Variants in DDX11 observed in about 807,000 individuals in gnomAD.
DDX11 encodes the protein DEAD/H-box helicase 11.
A neutral mutation model predicts 125.2 loss-of-function variants in DDX11; 72 were observed. That is an observed-to-expected ratio of 0.58 (90% CI 0.48 to 0.70). The LOEUF (loss-of-function observed/expected upper bound fraction) is 0.70. Among genes scored for constraint, DDX11 ranks in the 30% least tolerant of loss-of-function variants. The probability of loss-of-function intolerance (pLI) is 0.00; values close to 1 mark genes in which losing one functional copy is unlikely to be tolerated. For missense variants in DDX11, 883 were observed against 1,165.0 expected (o/e 0.76, Z 3.52); for synonymous variants, 347 against 452.6 (o/e 0.77, Z 2.96).
rs750604301 is a variant in DDX11 at position 31,101,090 on chromosome 12, C to T, written c.2012C>T (p.Pro671Leu). The T allele has an allele frequency of 6.8e-6, 11 of 1,614,078 alleles. No homozygotes were observed. Among genetic ancestry groups the T allele is most frequent in the Admixed American group, 1.7e-5 (1 of 60,012 alleles). ...ATCTGCAGCGGGATCTCCAACCAGC[C>T]GCTGGAATTCACGTTCCAGAAAAGA... ...LVICSGISNQPLEFTFQKREL... is the reference protein window; with the variant it reads ...LVICSGISNQLLEFTFQKREL... Residue 671 changes from proline (P) to leucine (L), a missense_variant, in exon 20 of 27, where the codon CCG becomes CTG. Coordinates refer to ENST00000542838, the MANE Select transcript of DDX11 (RefSeq NM_030653.4).
Position 31,084,640 on chromosome 12 carries a change from G to A in DDX11, c.451G>A (p.Val151Met). ...ACGCCTGCAGCAGCTGCAGCACAGG[G>A]TGCAGCTCAAGTATGCAGCCAAGCG... ...EERLQQLQHR[V>M]QLKYAAKRLR... is the part of the protein sequence containing the mutation. The change falls in exon 4 of 27, where the codon GTG (valine) becomes ATG (methionine). Residue 151 changes from valine to methionine, a missense_variant. Physicochemically the swap from Val to Met is conservative, Grantham distance 21 (BLOSUM62 1). This residue lies in a region of DDX11 where 283 missense variants were observed against 359.6 expected (regional missense o/e 0.79). Coordinates refer to ENST00000542838, the MANE Select transcript of DDX11 (RefSeq NM_030653.4). 6.3e-7 allele frequency: 1 copy of A among 1,590,960 alleles called. No homozygotes were observed. The highest frequency in any genetic ancestry group is 8.6e-7 in the Non-Finnish European group (1 of 1,165,858).
intron 18 of DDX11, among the ~76,000 whole-genome samples, chr12:31,099,218 G>A (rs1945946342): frequency 6.6e-6 from 1 of 151,120 alleles, no homozygotes; most frequent in East Asian, 2.0e-4. Context: ...CTCCTGAGTA[G>A]CTGTGATTAC....
chr12:31,086,490 G>A (rs1179047587), intron 5 of DDX11, among the ~76,000 whole-genome samples: 3 of 151,868 alleles, frequency 2.0e-5, no homozygotes, highest in Admixed American at 6.5e-5. Flanking sequence ...CCTGCCCAGG[G>A]CAGAGACCAC....
intron 9 of DDX11, among the ~76,000 whole-genome samples, chr12:31,090,745 T>C (rs550450524): frequency 6.6e-6 from 1 of 152,334 alleles, no homozygotes; most frequent in East Asian, 1.9e-4. Context: ...GAAAATTCTG[T>C]ATAATCCAGA....
chr12:31,077,929 C>T (rs1030823624), intron 1 of DDX11: 4 of 325,838 alleles, frequency 1.2e-5, no homozygotes, highest in East Asian at 7.8e-5. Flanking sequence ...TCTGCCTGTG[C>T]GTCATGATTT....
chr12:31,074,241 ACAG>A (rs57389219), intron 1 of DDX11, 150 bp downstream of exon 1: 78,380 of 149,944 alleles, frequency 0.52, 21,187 homozygotes, highest in East Asian at 0.81. Flanking sequence ...GTGGGCATTA[ACAG>A]CAGCCGCGTG....
At chr12:31,084,086 G>T (rs1942555458) in intron 3 of DDX11, 25 bp downstream of exon 3, 1 of 1,612,754 alleles carries the variant, frequency 6.2e-7, no homozygotes, top group Admixed American at 1.7e-5. Context: ...ATCCGGAAGT[G>T]GGAGTACTGG....
chr12:31,078,594 C>A (rs1473708604), intron 2 of DDX11, 57 bp downstream of exon 2: 1 of 1,611,052 alleles, frequency 6.2e-7, no homozygotes, highest in East Asian at 2.2e-5. Context: ...GCCGTACTAG[C>A]TTTTCCTGTT....
chr12:31,093,395 A>G, intron 12 of DDX11, 71 bp downstream of exon 12: 2 of 1,591,250 alleles, frequency 1.3e-6, no homozygotes, highest in East Asian at 2.2e-5. Flanking sequence ...TTGGATGCCC[A>G]TCAGGACACC....
intron 25 of DDX11, 44 bp from the exon 26 acceptor site, chr12:31,103,533 G>A: frequency 6.2e-7 from 1 of 1,613,658 alleles, no homozygotes; most frequent in Non-Finnish European, 8.5e-7. Flanking sequence ...GCTGTAGGGG[G>A]GAGGCAGGTG....
intron 19 of DDX11, 144 bp from the exon 20 acceptor site, chr12:31,100,883 C>CTG: frequency 9.2e-7 from 1 of 1,084,310 alleles, no homozygotes; most frequent in South Asian, 1.3e-5. Context: ...TGCCTGCTGC[C>CTG]CAGTGTGACT....
At chr12:31,089,269 G>A (rs748472214) in intron 7 of DDX11, 118 bp downstream of exon 7, 3 of 1,336,724 alleles carry the variant, frequency 2.2e-6, no homozygotes, top group East Asian at 4.7e-5. Context: ...CGTGTGAGGA[G>A]CAGCCCCCTC....
Position 31,087,998 on chromosome 12 carries a change from C to T in DDX11, c.684+15C>T, listed in dbSNP as rs1358544734. 1 of 1,607,074 alleles carries T rather than the reference C, an allele frequency of 6.2e-7. No individual in the cohort carries two copies. Among genetic ancestry groups the T allele is most frequent in the East Asian group, 2.2e-5 (1 of 44,598 alleles). On this transcript the variant is annotated intron_variant, in intron 6 of 26. Coordinates refer to ENST00000542838, the MANE Select transcript of DDX11 (RefSeq NM_030653.4). ...ACATAACTAAGGTAACACAAGTGTC[C>T]TCAGCTGGTGCTGTGCTGGGGGTAT...
At chr12:31,102,646 T>C (rs1191308117) in intron 23 of DDX11, 119 bp downstream of exon 23, 7 of 923,226 alleles carry the variant, frequency 7.6e-6, no homozygotes, top group Non-Finnish European at 1.2e-5. Flanking sequence ...CTGCGACTGC[T>C]CAGACCAGCC....
chr12:31,092,737 T>G (rs1944452712), intron 10 of DDX11, 109 bp from the exon 11 acceptor site: 7 of 1,178,384 alleles, frequency 5.9e-6, no homozygotes, highest in Non-Finnish European at 8.8e-6. Context: ...TCTCCTCCCT[T>G]TGGTGGCTTC....
intron 5 of DDX11, among the ~76,000 whole-genome samples, chr12:31,086,388 A>G (rs911832472): frequency 2.2e-4 from 33 of 152,272 alleles, no homozygotes; most frequent in Middle Eastern, 3.4e-3. Flanking sequence ...GGTGTGCTCA[A>G]TAAAATCGAG....
intron 1 of DDX11, among the ~76,000 whole-genome samples, chr12:31,074,912 T>C (rs1309496113): frequency 6.6e-6 from 1 of 152,204 alleles, no homozygotes; most frequent in Admixed American, 6.5e-5. Flanking sequence ...TTTCTCACAG[T>C]CCCAGAGGCT....
intron 18 of DDX11, among the ~76,000 whole-genome samples, chr12:31,098,963 A>G (rs1324941054): frequency 8.6e-5 from 13 of 152,032 alleles, no homozygotes. Context: ...GTAATGGGGA[A>G]TGACATTTAG....
At chr12:31,081,526 CA>C (rs1941935069) in intron 2 of DDX11, among the ~76,000 whole-genome samples, 1 of 151,458 alleles carries the variant, frequency 6.6e-6, no homozygotes, top group African/African-American at 2.4e-5. Context: ...TTCCGGGAGT[CA>C]TCCAACCTGG....
Sources: allele counts gnomAD v4.1 joint callset (sites outside exome capture counted in the v4.1 genomes callset), GRCh38; gene constraint gnomAD v4.1.1; regional missense constraint gnomAD v4.1.1; transcripts MANE v1.5; gene names NCBI Gene and HGNC (gene_info 2026-07-23, HGNC 2026-07-21).